PARD3: variants seen among roughly 807,000 people sequenced by gnomAD.
PARD3 encodes the protein par-3 family cell polarity regulator.
PARD3 carries 75 observed loss-of-function variants against 155.4 expected under a neutral mutation model. The observed-to-expected ratio is 0.48, with a 90% CI of 0.40 to 0.58. The LOEUF is 0.58. Among genes scored for constraint, PARD3 ranks in the 20% least tolerant of loss-of-function variants. The pLI is 0.00. For missense variants in PARD3, 1,642 were observed against 1,721.7 expected (o/e 0.95, Z 0.82); for synonymous variants, 576 against 610.5 (o/e 0.94, Z 0.83).
intron 2 of PARD3, among the ~76,000 whole-genome samples, chr10:34,690,828 A>G (rs1590667675): frequency 6.6e-6 from 1 of 152,330 alleles, no homozygotes; most frequent in East Asian, 1.9e-4. Context: ...AGAGAGTGCC[A>G]AAGGGAAAAG....
chr10:34,515,625 C>T (rs907338545), intron 3 of PARD3, among the ~76,000 whole-genome samples: 1 of 152,190 alleles, frequency 6.6e-6, no homozygotes, highest in African/African-American at 2.4e-5. Flanking sequence ...AACTGTTAAA[C>T]TGCTCTTCTT....
intron 22 of PARD3, among the ~76,000 whole-genome samples, chr10:34,181,498 TG>T (rs9336858): frequency 0.22 from 33,602 of 152,110 alleles, 3,871 homozygotes; most frequent in Middle Eastern, 0.33. Context: ...GTAGAAGAAA[TG>T]AGTGAGAAAA....
chr10:34,185,393 T>C (rs777439467), intron 22 of PARD3, among the ~76,000 whole-genome samples: 13 of 152,190 alleles, frequency 8.5e-5, no homozygotes, highest in African/African-American at 3.1e-4. Context: ...TAGGAGCCAA[T>C]TTGTCATACA....
chr10:34,241,665 G>A (rs945004315), intron 22 of PARD3, among the ~76,000 whole-genome samples: 1 of 152,240 alleles, frequency 6.6e-6, no homozygotes. Flanking sequence ...AACCTGAAAC[G>A]AACTGCACAG....
chr10:34,434,965 A>C (rs2076116330), intron 5 of PARD3, among the ~76,000 whole-genome samples: 1 of 152,196 alleles, frequency 6.6e-6, no homozygotes, highest in Non-Finnish European at 1.5e-5. Context: ...TCAAGCATAA[A>C]ATTAATTTAA....
chr10:34,662,965 G>A (rs921011628), intron 2 of PARD3, among the ~76,000 whole-genome samples: 3 of 152,020 alleles, frequency 2.0e-5, no homozygotes, highest in Admixed American at 1.3e-4. Context: ...TCACTCATTT[G>A]TGGGAGCTAA....
intron 22 of PARD3, among the ~76,000 whole-genome samples, chr10:34,158,112 C>T (rs1279709568): frequency 6.6e-6 from 1 of 152,198 alleles, no homozygotes; most frequent in African/African-American, 2.4e-5. Flanking sequence ...TGCAAGGTAA[C>T]TCATGCCTGT....
At chr10:34,137,672 G>C (rs1947973521) in intron 22 of PARD3, among the ~76,000 whole-genome samples, 1 of 152,180 alleles carries the variant, frequency 6.6e-6, no homozygotes, top group Non-Finnish European at 1.5e-5. Context: ...TATGCTGGGT[G>C]TATTCTTTGT....
intron 3 of PARD3, among the ~76,000 whole-genome samples, chr10:34,511,630 TAAG>T (rs1564794800): frequency 6.6e-6 from 1 of 150,830 alleles, no homozygotes; most frequent in South Asian, 2.2e-4. Flanking sequence ...CTTTTTATAC[TAAG>T]AAGTAATTTT....
intron 2 of PARD3, among the ~76,000 whole-genome samples, chr10:34,615,570 A>G (rs891215997): frequency 6.6e-6 from 1 of 152,174 alleles, no homozygotes. Context: ...ATGGCTGAGA[A>G]CTCATGCAAC....
chr10:34,651,010 T>TTA (rs2092994493), intron 2 of PARD3, among the ~76,000 whole-genome samples: 2 of 31,788 alleles, frequency 6.3e-5, no homozygotes, highest in South Asian at 3.4e-3. Flanking sequence ...AAACTCTGTC[T>TTA]CAAAAAAAAA....
intron 2 of PARD3, among the ~76,000 whole-genome samples, chr10:34,690,403 A>T (rs2094034229): frequency 6.6e-6 from 1 of 152,210 alleles, no homozygotes; most frequent in Admixed American, 6.5e-5. Flanking sequence ...CTACATCATG[A>T]TGTTCTACTG....
chr10:34,564,278 A>G (rs1052957070), intron 2 of PARD3, among the ~76,000 whole-genome samples: 2 of 152,242 alleles, frequency 1.3e-5, no homozygotes, highest in African/African-American at 4.8e-5. Context: ...TAATTTATAC[A>G]TGAATATTGT....
chr10:34,738,217 G>A (rs563834972), intron 1 of PARD3, among the ~76,000 whole-genome samples: 2 of 152,196 alleles, frequency 1.3e-5, no homozygotes, highest in Non-Finnish European at 2.9e-5. Flanking sequence ...ATACATGCAT[G>A]TATGACTTTA....
chr10:34,266,257 A>T (rs1414970739), intron 22 of PARD3, among the ~76,000 whole-genome samples: 1 of 152,194 alleles, frequency 6.6e-6, no homozygotes, highest in Non-Finnish European at 1.5e-5. Context: ...ATACTCCTCA[A>T]GTCTGAGAAA....
At chr10:34,381,020 G>C (rs548827089) in intron 9 of PARD3, among the ~76,000 whole-genome samples, 7 of 152,298 alleles carry the variant, frequency 4.6e-5, no homozygotes, top group African/African-American at 1.4e-4. Context: ...ATGACTCTGT[G>C]TTTGCAACGA....
chr10:34,598,407 T>C (rs780698484), intron 2 of PARD3, among the ~76,000 whole-genome samples: 12 of 152,216 alleles, frequency 7.9e-5, no homozygotes, highest in Non-Finnish European at 1.3e-4. Flanking sequence ...TTCAGCTTTA[T>C]GACAAGGAAT....
At chr10:34,519,872 T>TAACATAACAC (rs1554884098) in intron 2 of PARD3, among the ~76,000 whole-genome samples, 258 of 146,446 alleles carry the variant, frequency 1.8e-3, no homozygotes, top group African/African-American at 6.2e-3. Context: ...TAACATAACA[T>TAACATAACAC]AACATAACAT....
intron 1 of PARD3, among the ~76,000 whole-genome samples, chr10:34,724,049 T>C (rs924107243): frequency 5.3e-5 from 8 of 151,992 alleles, no homozygotes; most frequent in Middle Eastern, 3.2e-3. Flanking sequence ...GAAACAGGAG[T>C]GCACATCATT....
Sources: gnomAD v4.1 joint callset for allele counts (sites outside exome capture counted in the v4.1 genomes callset) on GRCh38, gnomAD v4.1.1 for gene constraint, MANE v1.5 for transcripts, NCBI Gene and HGNC (gene_info 2026-07-23, HGNC 2026-07-21) for gene names.